The following GCKR variants were observed in gnomAD, a reference collection of about 807,000 sequenced individuals.
The protein encoded by GCKR is glucokinase regulator, also known as glucokinase regulatory protein.
In GCKR, 73 loss-of-function variants were observed where a neutral mutation model predicts 82.9. The ratio of observed to expected loss-of-function variants is 0.88; its 90% CI spans 0.73 to 1.07. The LOEUF is 1.07. Ranked by LOEUF, GCKR falls within the 50% of genes least tolerant of loss-of-function variation. The pLI, the probability that GCKR is intolerant of heterozygous loss-of-function variation, is 0.00. For synonymous variants in GCKR, 294 were observed against 291.8 expected (o/e 1.01, Z -0.08); for missense variants, 784 against 782.1 (o/e 1.00, Z -0.03).
intron 18 of GCKR, 74 bp from the exon 19 acceptor site, chr2:27,523,195 G>A (rs1443620340): frequency 8.9e-6 from 12 of 1,342,294 alleles, no homozygotes; most frequent in South Asian, 7.1e-5. Flanking sequence ...CACTGCGCCC[G>A]ACCTTCCTCC....
rs1368996020 is a variant in GCKR, at chr2:27,501,210, A to G, written c.625A>G (p.Asn209Asp). The G allele has an allele frequency of 3.1e-6, 5 of 1,613,200 alleles. No individual in the cohort carries two copies. The highest frequency in any genetic ancestry group is 4.2e-6 in the Non-Finnish European group (5 of 1,179,208). The change falls in exon 8 of 19, where the codon AAT becomes GAT. Residue 209 changes from asparagine to aspartate, a missense_variant. Asn to Asp is a conservative substitution (Grantham distance 23, BLOSUM62 1). Coordinates refer to ENST00000264717, the MANE Select transcript of GCKR (RefSeq NM_001486.4). The part of the protein sequence containing the change: ...AVFLPVLVGF[N>D]PVSMARNDPI... ...CTTCTTGCCAGTCCTGGTTGGCTTC[A>G]ATCCAGTGAGCATGGCCAGGTGAGC...
At position 27,522,525 on chromosome 2, in the gene GCKR, G is replaced by C. The variant is rs996468905; in HGVS notation, c.1638G>C (p.Gln546His). The C allele has an allele frequency of 1.2e-6, 2 of 1,613,874 alleles. No homozygotes were observed. Among genetic ancestry groups the C allele is most frequent in the South Asian group, 2.2e-5 (2 of 91,070 alleles). ...ESLLRAIHFP[Q>H]PLSDDIRAAP... The stretch of plus-strand genomic sequence containing the variant: ...TCCTCCGAGCGATCCACTTTCCCCA[G>C]CCACTGTCAGATGATATTCGGGCTG... The change falls in exon 18 of 19, where the codon CAG (glutamine) becomes CAC (histidine). Residue 546 changes from glutamine (Q) to histidine (H), a missense_variant. Coordinates refer to ENST00000264717, the MANE Select transcript of GCKR (RefSeq NM_001486.4).
At chr2:27,499,759 G>T (rs1046197059) in intron 7 of GCKR, among the ~76,000 whole-genome samples, 3 of 152,120 alleles carry the variant, frequency 2.0e-5, no homozygotes, top group Admixed American at 6.5e-5. Flanking sequence ...TTTTGTTGTT[G>T]TTGTTTGTTT....
rs116482426 is a variant in GCKR, at chr2:27,505,637, G to A, written c.751-81G>A. Reference sequence around the variant, plus strand: ...CTGGGGGCCACTGGTACTATCACATGCATGCCCGGGGGTTACTAACAAGTG... The same window carrying A: ...CTGGGGGCCACTGGTACTATCACATACATGCCCGGGGGTTACTAACAAGTG... On this transcript the variant is annotated intron_variant, in intron 9 of 18. Transcript: ENST00000264717. 4,796 of 784,542 alleles carry A rather than the reference G, an allele frequency of 6.1e-3. 15 individuals carry two copies. Among genetic ancestry groups the A allele is most frequent in the Non-Finnish European group, 8.3e-3 (3,590 of 431,696 alleles). 48.6% of individuals were successfully genotyped at this position (784,542 alleles called of 1,614,324 possible).
chr2:27,507,708 G>T lies in GCKR; in HGVS notation c.1171G>T (p.Asp391Tyr), dbSNP rs1390307342. The change falls in exon 14 of 19, where the codon GAC becomes TAC. Residue 391 changes from aspartate (D) to tyrosine (Y), a missense_variant. Asp to Tyr is a radical substitution (Grantham distance 160, BLOSUM62 -3). Transcript: ENST00000264717. The part of the protein sequence containing the change: ...QGPQFTFSQE[D>Y]FLTSILPSLT... The stretch of plus-strand genomic sequence containing the variant: ...TCCCCAGTTCACCTTCTCCCAGGAG[G>T]ACTTCCTGACTTCCATCCTTCCCTC... 1.2e-6 allele frequency: 2 copies of T among 1,607,354 alleles called. No individual in the cohort carries two copies. The highest frequency in any genetic ancestry group is 1.7e-5 in the Admixed American group (1 of 60,004).
chr2:27,507,189 C>T, intron 12 of GCKR, 46 bp from the exon 13 acceptor site: 3 of 1,309,886 alleles, frequency 2.3e-6, no homozygotes, highest in Non-Finnish European at 3.3e-6. Flanking sequence ...ACCTTCCTTT[C>T]CTATATAGCC....
chr2:27,511,177 G>A (rs944207387), intron 16 of GCKR, among the ~76,000 whole-genome samples: 3 of 151,892 alleles, frequency 2.0e-5, no homozygotes, highest in Non-Finnish European at 2.9e-5. Context: ...ACAGGCACAC[G>A]CCTCTATGCC....
chr2:27,497,384 C>T lies in GCKR; in HGVS notation c.201C>T (p.Ala67=). The T allele has an allele frequency of 6.2e-7, 1 of 1,613,916 alleles. No homozygotes were observed. Among genetic ancestry groups the T allele is most frequent in the Non-Finnish European group, 8.5e-7 (1 of 1,180,038 alleles). Residue 67 remains alanine (A), a synonymous_variant, in exon 2 of 19, where the codon GCC becomes GCT. Coordinates refer to ENST00000264717, the MANE Select transcript of GCKR (RefSeq NM_001486.4). ...DAEIFQEEGQ[A]LSTYQRLYSE... ...AGATCTTCCAGGAGGAGGGGCAAGC[C>T]CTGTCCACATACCAGGTAACCAAGA...
Position 27,502,913 on chromosome 2 carries a change from G to A in GCKR, c.645-601G>A, listed in dbSNP as rs137870142. 3.3e-5 allele frequency among the ~76,000 whole-genome samples: 5 copies of A among 152,298 alleles called. No individual in the cohort carries two copies. In the East Asian group the frequency reaches 5.8e-4, roughly 18 times the overall value. On this transcript the variant is annotated intron_variant, in intron 8 of 18. Coordinates refer to ENST00000264717, the MANE Select transcript of GCKR (RefSeq NM_001486.4). The stretch of plus-strand genomic sequence containing the variant: ...GAAGATCGTCATTCTTTGAGATTCC[G>A]TGATTTGTAACTAAGCAGATAACAA...
intron 4 of GCKR, among the ~76,000 whole-genome samples, 191 bp downstream of exon 4, chr2:27,498,514 C>T (rs1010601740): frequency 7.9e-5 from 12 of 152,272 alleles, no homozygotes; most frequent in South Asian, 6.2e-4. Context: ...ATCTGAGTCC[C>T]GCCAGTATGT....
chr2:27,513,708 A>G (rs951766517), intron 16 of GCKR, among the ~76,000 whole-genome samples: 3 of 152,244 alleles, frequency 2.0e-5, no homozygotes, highest in South Asian at 4.2e-4. Flanking sequence ...AGTTCATTCA[A>G]GCTGGTTCCT....
intron 4 of GCKR, 117 bp from the exon 5 acceptor site, chr2:27,498,607 G>T: frequency 1.3e-6 from 1 of 751,628 alleles, no homozygotes; most frequent in Non-Finnish European, 2.4e-6. Flanking sequence ...TGTAGGACTG[G>T]GTTAAGCACT....
At chr2:27,502,639 A>C (rs1669613339) in intron 8 of GCKR, among the ~76,000 whole-genome samples, 1 of 152,222 alleles carries the variant, frequency 6.6e-6, no homozygotes, top group Non-Finnish European at 1.5e-5. Context: ...TTTCAGAAAT[A>C]GTTTGAGGAA....
At chr2:27,514,110 T>G (rs1221198145) in intron 16 of GCKR, among the ~76,000 whole-genome samples, 1 of 152,048 alleles carries the variant, frequency 6.6e-6, no homozygotes, top group Non-Finnish European at 1.5e-5. Context: ...GCTAGGTATG[T>G]TCACTGCTAC....
intron 16 of GCKR, among the ~76,000 whole-genome samples, chr2:27,513,909 TTG>T (rs57848910): frequency 0.044 from 6,296 of 144,398 alleles, 135 homozygotes; most frequent in African/African-American, 0.051. Flanking sequence ...TTATTTGCAT[TTG>T]TGTGTGTGTG....
intron 16 of GCKR, chr2:27,509,502 G>A: frequency 2.3e-6 from 1 of 442,566 alleles, no homozygotes; most frequent in Non-Finnish European, 4.6e-6. Flanking sequence ...ACCATGACTG[G>A]CTAATTTTTG....
chr2:27,502,809 GTAAC>G (rs1261986670), intron 8 of GCKR, among the ~76,000 whole-genome samples: 1 of 152,214 alleles, frequency 6.6e-6, no homozygotes, highest in Non-Finnish European at 1.5e-5. Context: ...ATGTACAGAA[GTAAC>G]TAACTCTTTG....
rs1188964291 is a variant in GCKR, at chr2:27,507,696, T to G, written c.1159T>G (p.Phe387Val). The G allele has an allele frequency of 6.2e-7, 1 of 1,601,944 alleles. No individual in the cohort carries two copies. The highest frequency in any genetic ancestry group is 1.1e-5 in the South Asian group (1 of 90,806). ...ELTNQGPQFTFSQEDFLTSIL... is the reference protein window; with the variant it reads ...ELTNQGPQFTVSQEDFLTSIL... ...TCTGCCCCAGGGTCCCCAGTTCACC[T>G]TCTCCCAGGAGGACTTCCTGACTTC... The change falls in exon 14 of 19, where the codon TTC becomes GTC. Residue 387 changes from phenylalanine to valine, a missense_variant. Physicochemically the swap from Phe to Val is conservative, Grantham distance 50. Coordinates refer to ENST00000264717, the MANE Select transcript of GCKR (RefSeq NM_001486.4).
intron 8 of GCKR, chr2:27,501,845 T>C: frequency 2.2e-6 from 1 of 460,520 alleles, no homozygotes. Flanking sequence ...TGCTCAGATG[T>C]GGTTCTGTGC....
Sources: gnomAD v4.1 joint callset for allele counts (sites outside exome capture counted in the v4.1 genomes callset) on GRCh38, gnomAD v4.1.1 for gene constraint, MANE v1.5 for transcripts, NCBI Gene and HGNC (gene_info 2026-07-23, HGNC 2026-07-21) for gene names.